RBM8A: variants seen among roughly 807,000 people sequenced by gnomAD.
RBM8A encodes RNA binding motif protein 8A.
Under a neutral mutation model 25.1 loss-of-function variants are expected in RBM8A, and 8 were observed. The observed-to-expected ratio is 0.32, with a 90% CI of 0.19 to 0.58. The LOEUF (loss-of-function observed/expected upper bound fraction) is 0.58. RBM8A is among the 20% of genes least tolerant of loss of function. The pLI is 0.88. For synonymous variants in RBM8A, 66 were observed against 80.0 expected (o/e 0.82, Z 0.94); for missense variants, 114 against 236.8 (o/e 0.48, Z 3.40).
chr1:145,927,186 G>C, intron 1 of RBM8A, 109 bp from the exon 2 acceptor site: 1 of 1,494,358 alleles, frequency 6.7e-7, no homozygotes, highest in Non-Finnish European at 9.2e-7. Flanking sequence ...TCCAGTCTTA[G>C]TGCCTTCCCG....
chr1:145,923,701 T>C lies in RBM8A; in HGVS notation c.*2181A>G. On this transcript the variant is annotated 3_prime_UTR_variant, in exon 6 of 6. Coordinates refer to ENST00000583313, the MANE Select transcript of RBM8A (RefSeq NM_005105.5). ...ATTTAACATTCTTTACCATTATAGTTACTGCACATAAGACTATTACTACTA... is the reference window on the plus strand; with the variant it reads ...ATTTAACATTCTTTACCATTATAGTCACTGCACATAAGACTATTACTACTA... 1 of 428,692 alleles carries C rather than the reference T, an allele frequency of 2.3e-6. No homozygotes were observed. Among genetic ancestry groups the C allele is most frequent in the Non-Finnish European group, 4.1e-6 (1 of 241,892 alleles). 26.6% of individuals were successfully genotyped at this position (428,692 alleles called of 1,614,324 possible).
At chr1:145,926,231 CTGAG>C in intron 4 of RBM8A, 54 bp from the exon 5 acceptor site, 2 of 1,600,202 alleles carry the variant, frequency 1.2e-6, no homozygotes, top group Non-Finnish European at 1.7e-6. Flanking sequence ...CCAAGTATCA[CTGAG>C]TATCTTTTTC....
At position 145,921,690 on chromosome 1, in the gene RBM8A, G is replaced by C. The variant is rs1647792134; in HGVS notation, c.*4192C>G. 1 of 153,590 alleles carries C rather than the reference G, an allele frequency of 6.5e-6. No homozygotes were observed. Among genetic ancestry groups the C allele is most frequent in the Non-Finnish European group, 1.5e-5 (1 of 68,534 alleles). The allele number at this position is 153,590 out of a possible 1,614,324, so 9.5% of individuals were successfully genotyped here. A position where few individuals can be genotyped will look rare whatever the true frequency, so the allele number is the denominator to read the frequency against. ...AAAAGGAACTAGAAATCTAGAGGGG[G>C]AAAAGCTAAATACAAAGCAATTCCT... is the stretch of plus-strand genomic sequence containing the variant. On this transcript the variant is annotated 3_prime_UTR_variant, in exon 6 of 6. Transcript: ENST00000583313.
At chr1:145,926,411 C>A in intron 4 of RBM8A, 71 bp downstream of exon 4, 1 of 1,572,376 alleles carries the variant, frequency 6.4e-7, no homozygotes, top group Non-Finnish European at 8.6e-7. Flanking sequence ...CCAACCACAG[C>A]AAACACAGAA....
chr1:145,926,444 A>G (rs782230593), intron 4 of RBM8A, 38 bp downstream of exon 4: 2 of 1,609,668 alleles, frequency 1.2e-6, no homozygotes, highest in African/African-American at 2.7e-5. Context: ...CCTAAGGCTT[A>G]TGAAAGAAAG....
rs1381913916 is a variant in RBM8A, at chr1:145,924,778, G to C, written c.*1104C>G. On this transcript the variant is annotated 3_prime_UTR_variant, in exon 6 of 6. Coordinates refer to ENST00000583313, the MANE Select transcript of RBM8A (RefSeq NM_005105.5). ...TCACCCTATACTCAGATCAGAAGCTGAGTGTCTGAATTACAGTATATTTTC... is the reference window on the plus strand; with the variant it reads ...TCACCCTATACTCAGATCAGAAGCTCAGTGTCTGAATTACAGTATATTTTC... 1.1e-5 allele frequency: 4 copies of C among 365,512 alleles called. No homozygotes were observed. Among genetic ancestry groups the C allele is most frequent in the African/African-American group, 2.2e-5 (1 of 44,662 alleles). The allele number at this position is 365,512 out of a possible 1,614,324, so 22.6% of individuals were successfully genotyped here. A position where few individuals can be genotyped will look rare whatever the true frequency, so the allele number is the denominator to read the frequency against.
chr1:145,927,243 C>G (rs1648210931), intron 1 of RBM8A, 117 bp downstream of exon 1: 4 of 1,463,024 alleles, frequency 2.7e-6, no homozygotes, highest in Non-Finnish European at 3.7e-6. Context: ...CTAATCCACC[C>G]AAGACCCGGT....
At chr1:145,926,785 C>T (rs1553756015) in intron 3 of RBM8A, 24 bp downstream of exon 3, 2 of 1,614,016 alleles carry the variant, frequency 1.2e-6, no homozygotes, top group African/African-American at 1.3e-5. Context: ...ACACGGATAC[C>T]TCACAGGTTC....
intron 3 of RBM8A, 60 bp from the exon 4 acceptor site, chr1:145,926,678 A>G (rs1266321549): frequency 4.3e-6 from 7 of 1,612,242 alleles, no homozygotes; most frequent in South Asian, 1.1e-5. Flanking sequence ...GCAGGCTCAC[A>G]GGAATAGAGT....
chr1:145,924,420 C>T lies in RBM8A; in HGVS notation c.*1462G>A, dbSNP rs1230636492. ...TTAACCCTAGACCTGTTGCCTCTAG[C>T]ATCATTTATTTATCTACCTACCTAA... On this transcript the variant is annotated 3_prime_UTR_variant, in exon 6 of 6. Transcript: ENST00000583313. 2.2e-6 allele frequency: 1 copy of T among 460,992 alleles called. No homozygotes were observed. The highest frequency in any genetic ancestry group is 2.0e-5 in the African/African-American group (1 of 49,832). The allele number at this position is 460,992 out of a possible 1,614,324, so 28.6% of individuals were successfully genotyped here. A position where few individuals can be genotyped will look rare whatever the true frequency, so the allele number is the denominator to read the frequency against.
At position 145,921,993 on chromosome 1, in the gene RBM8A, G is replaced by C. The variant is rs587672773; in HGVS notation, c.*3889C>G. On this transcript the variant is annotated 3_prime_UTR_variant, in exon 6 of 6. Transcript: ENST00000583313. ...AATCCCAGCATTTTGGAAGGCCAAG[G>C]TGGGTGGATCACTTGAGGTCAGGAG... 1 of 152,224 alleles carries C rather than the reference G, an allele frequency of 6.6e-6. No homozygotes were observed. Among genetic ancestry groups the C allele is most frequent in the Non-Finnish European group, 1.5e-5 (1 of 68,056 alleles). The allele number at this position is 152,224 out of a possible 1,614,324, so 9.4% of individuals were successfully genotyped here.
At position 145,925,670 on chromosome 1, in the gene RBM8A, C is replaced by T; in HGVS notation, c.*212G>A. On this transcript the variant is annotated 3_prime_UTR_variant, in exon 6 of 6. Coordinates refer to ENST00000583313, the MANE Select transcript of RBM8A (RefSeq NM_005105.5). Reference sequence around the variant, plus strand: ...AGTATCTTCACAATGATCCATACAGCCTTGCTATGCTTTAGAACTTTCAAT... The same window carrying T: ...AGTATCTTCACAATGATCCATACAGTCTTGCTATGCTTTAGAACTTTCAAT... 3.4e-6 allele frequency: 2 copies of T among 583,266 alleles called. No individual in the cohort carries two copies. The highest frequency in any genetic ancestry group is 6.1e-6 in the Non-Finnish European group (2 of 327,718). 36.1% of individuals were successfully genotyped at this position (583,266 alleles called of 1,614,324 possible). A position where few individuals can be genotyped will look rare whatever the true frequency, so the allele number is the denominator to read the frequency against.
chr1:145,925,760 T>A lies in RBM8A; in HGVS notation c.*122A>T, dbSNP rs1553755734. 8.8e-7 allele frequency: 1 copy of A among 1,136,228 alleles called. No individual in the cohort carries two copies. The highest frequency in any genetic ancestry group is 1.6e-5 in the African/African-American group (1 of 63,656). 70.4% of individuals were successfully genotyped at this position (1,136,228 alleles called of 1,614,324 possible). The stretch of plus-strand genomic sequence containing the variant: ...ATGGAACATTTATTCGCAACTCAAA[T>A]ACTACGCATATACGGTAAGAGATTA... On this transcript the variant is annotated 3_prime_UTR_variant, in exon 6 of 6. Coordinates refer to ENST00000583313, the MANE Select transcript of RBM8A (RefSeq NM_005105.5).
chr1:145,926,687 G>A, intron 3 of RBM8A, 69 bp from the exon 4 acceptor site: 1 of 1,612,414 alleles, frequency 6.2e-7, no homozygotes. Context: ...CAGGAATAGA[G>A]TGAGTGCGGA....
rs1380830688 is a variant in RBM8A at position 145,922,532 on chromosome 1, CCTGACAAT to C, written c.*3342_*3349del. The C allele has an allele frequency of 6.6e-6, 1 of 152,210 alleles. No homozygotes were observed. The highest frequency in any genetic ancestry group is 6.5e-5 in the Admixed American group (1 of 15,276). The allele number at this position is 152,210 out of a possible 1,614,324, so 9.4% of individuals were successfully genotyped here. On this transcript the variant is annotated 3_prime_UTR_variant, in exon 6 of 6. Coordinates refer to ENST00000583313, the MANE Select transcript of RBM8A (RefSeq NM_005105.5). ...AAATGAATTTCATCCTTTCTTACAG[CCTGACAAT>C]CTGACAATATTTGCAACCTCTATTT...
Position 145,924,235 on chromosome 1 carries a change from A to C in RBM8A, c.*1647T>G, listed in dbSNP as rs879961227. 7 of 643,332 alleles carry C rather than the reference A, an allele frequency of 1.1e-5. No individual in the cohort carries two copies. The highest frequency in any genetic ancestry group is 1.1e-4 in the African/African-American group (6 of 55,764). 39.9% of individuals were successfully genotyped at this position (643,332 alleles called of 1,614,324 possible). A position where few individuals can be genotyped will look rare whatever the true frequency, so the allele number is the denominator to read the frequency against. On this transcript the variant is annotated 3_prime_UTR_variant, in exon 6 of 6. Coordinates refer to ENST00000583313, the MANE Select transcript of RBM8A (RefSeq NM_005105.5). ...TCACCAAAGGCAGCTTCAAGGCTCA[A>C]TGGCAAGAGACCACCTATAACCTCT...
At position 145,926,495 on chromosome 1, in the gene RBM8A, G is replaced by C. The variant is rs782756290; in HGVS notation, c.329C>G (p.Thr110Arg). The C allele has an allele frequency of 6.2e-7, 1 of 1,614,132 alleles. No homozygotes were observed. The highest frequency in any genetic ancestry group is 8.5e-7 in the Non-Finnish European group (1 of 1,180,010). ...KNIHLNLDRR[T>R]GYLKGYTLVE... ...CACTTAGGATACCTTCAGATATCCT[G>C]TTCGCCTGTCGAGGTTGAGATGAAT... The change falls in exon 4 of 6, where the codon ACA (threonine) becomes AGA (arginine). Residue 110 changes from threonine to arginine, a missense_variant. Physicochemically the swap from Thr to Arg is moderately conservative, Grantham distance 71. Coordinates refer to ENST00000583313, the MANE Select transcript of RBM8A (RefSeq NM_005105.5).
At chr1:145,926,953 G>A in intron 2 of RBM8A, 65 bp downstream of exon 2, 6 of 1,613,930 alleles carry the variant, frequency 3.7e-6, no homozygotes, top group Non-Finnish European at 5.1e-6. Flanking sequence ...TGAGGTGGGT[G>A]GGGACTCCAA....
intron 1 of RBM8A, 82 bp from the exon 2 acceptor site, chr1:145,927,159 A>G (rs1648206819): frequency 1.3e-6 from 2 of 1,558,556 alleles, no homozygotes; most frequent in Middle Eastern, 1.9e-4. Context: ...ACTACCAGCA[A>G]GCCGACCCAC....
Sources: gnomAD v4.1 joint callset for allele counts on GRCh38, gnomAD v4.1.1 for gene constraint, MANE v1.5 for transcripts, NCBI Gene and HGNC (gene_info 2026-07-23, HGNC 2026-07-21) for gene names.